ADGRL2: variants seen among roughly 807,000 people sequenced by gnomAD.
ADGRL2 encodes the protein calcium-independent alpha-latrotoxin receptor 2.
Under a neutral mutation model 157.4 loss-of-function variants are expected in ADGRL2, and 44 were observed. That is an observed-to-expected ratio of 0.28 (90% CI 0.22 to 0.36). The LOEUF (loss-of-function observed/expected upper bound fraction) is 0.36, where lower values mean the gene tolerates loss of function less well. ADGRL2 is among the 10% of genes least tolerant of loss of function. ADGRL2 has a pLI of 1.00. For synonymous variants in ADGRL2, 585 were observed against 624.7 expected, an observed-to-expected ratio of 0.94 and a Z score of 0.95; for missense variants, 1,510 against 1,768.9, an observed-to-expected ratio of 0.85 and a Z score of 2.63.
intron 2 of ADGRL2, among the ~76,000 whole-genome samples, chr1:81,554,934 G>A (rs751403133): frequency 8.6e-5 from 13 of 151,950 alleles, no homozygotes; most frequent in Non-Finnish European, 1.5e-4. Context: ...AGAGAGACAG[G>A]TGCAAAGCAC....
At chr1:81,632,799 G>A (rs1001626617) in intron 3 of ADGRL2, among the ~76,000 whole-genome samples, 10 of 151,814 alleles carry the variant, frequency 6.6e-5, no homozygotes, top group African/African-American at 2.2e-4. Context: ...AGGGAGCAAA[G>A]GGGCTATGTT....
At chr1:81,462,436 T>C (rs886977608) in intron 2 of ADGRL2, among the ~76,000 whole-genome samples, 4 of 152,074 alleles carry the variant, frequency 2.6e-5, no homozygotes, top group African/African-American at 9.7e-5. Flanking sequence ...GCTTCATTCT[T>C]GAAGTCAGCG....
At chr1:81,505,238 G>A (rs925828930) in intron 2 of ADGRL2, 77 of 533,834 alleles carry the variant, frequency 1.4e-4, no homozygotes, top group African/African-American at 8.1e-4. Flanking sequence ...ACCATCTCCC[G>A]AGGGCTGACC....
intron 1 of ADGRL2, among the ~76,000 whole-genome samples, chr1:81,367,132 G>A (rs2076080008): frequency 6.6e-6 from 1 of 152,152 alleles, no homozygotes; most frequent in African/African-American, 2.4e-5. Flanking sequence ...TCTTCTTCTT[G>A]TATATCTTGG....
At chr1:81,747,274 T>TATACATGTGC (rs1392142443) in intron 1 of ADGRL2, among the ~76,000 whole-genome samples, 1 of 149,258 alleles carries the variant, frequency 6.7e-6, no homozygotes, top group African/African-American at 2.4e-5. Flanking sequence ...TATGTGTATA[T>TATACATGTGC]ATACATGTGC....
intron 2 of ADGRL2, among the ~76,000 whole-genome samples, chr1:81,468,683 A>G (rs2078110178): frequency 6.6e-6 from 1 of 152,198 alleles, no homozygotes; most frequent in Admixed American, 6.5e-5. Flanking sequence ...CGAAATAATC[A>G]CTGCATCAGA....
chr1:81,801,436 C>T (rs2088105017), intron 1 of ADGRL2, among the ~76,000 whole-genome samples: 1 of 152,158 alleles, frequency 6.6e-6, no homozygotes, highest in Non-Finnish European at 1.5e-5. Flanking sequence ...CCTCTCGCTC[C>T]CTCTCACTCT....
intron 1 of ADGRL2, among the ~76,000 whole-genome samples, chr1:81,816,952 G>GT (rs1441743074): frequency 7.2e-6 from 1 of 139,722 alleles, no homozygotes; most frequent in Non-Finnish European, 1.6e-5. Context: ...TGAATTCTTA[G>GT]TTTTTTGGGG....
chr1:81,382,107 G>GT (rs1320911474), intron 1 of ADGRL2, among the ~76,000 whole-genome samples: 3 of 152,052 alleles, frequency 2.0e-5, no homozygotes, highest in Non-Finnish European at 4.4e-5. Context: ...GTGCTTCGAG[G>GT]TTCCAAAGAA....
chr1:81,862,366 C>A (rs1368410439), intron 2 of ADGRL2, among the ~76,000 whole-genome samples: 3 of 152,262 alleles, frequency 2.0e-5, no homozygotes, highest in Middle Eastern at 3.4e-3. Flanking sequence ...GGGCATAGCT[C>A]TTGCTACCCT....
At chr1:81,910,725 T>C (rs1244374079) in intron 3 of ADGRL2, among the ~76,000 whole-genome samples, 3 of 146,450 alleles carry the variant, frequency 2.0e-5, no homozygotes. Context: ...ATAGAATAAC[T>C]TGTCCTTTTT....
chr1:81,503,033 C>T (rs934569687), intron 2 of ADGRL2: 57 of 1,611,788 alleles, frequency 3.5e-5, no homozygotes, highest in Non-Finnish European at 4.8e-5. Context: ...CAGGCTGGTA[C>T]TCGGACCGCC....
At chr1:81,488,715 G>A (rs1419505053) in intron 2 of ADGRL2, among the ~76,000 whole-genome samples, 1 of 151,288 alleles carries the variant, frequency 6.6e-6, no homozygotes, top group Admixed American at 6.6e-5. Flanking sequence ...TCAAAAAGGA[G>A]GAAAGTAAGT....
chr1:81,402,162 A>G (rs1208355897), intron 1 of ADGRL2, among the ~76,000 whole-genome samples: 1 of 152,162 alleles, frequency 6.6e-6, no homozygotes, highest in Non-Finnish European at 1.5e-5. Context: ...CTAAATGAGA[A>G]GATCACTATC....
At chr1:81,961,691 G>A (rs1280564586) in intron 11 of ADGRL2, among the ~76,000 whole-genome samples, 1 of 151,752 alleles carries the variant, frequency 6.6e-6, no homozygotes, top group African/African-American at 2.4e-5. Flanking sequence ...TGTATTTTTA[G>A]TAGAGAGGGG....
intron 2 of ADGRL2, among the ~76,000 whole-genome samples, chr1:81,461,880 A>G (rs2077936108): frequency 6.8e-6 from 1 of 146,636 alleles, no homozygotes; most frequent in South Asian, 2.3e-4. Flanking sequence ...GAATTCTTCT[A>G]AACAGAAAAG....
At chr1:81,702,801 G>A (rs1570887853) in intron 1 of ADGRL2, among the ~76,000 whole-genome samples, 1 of 152,314 alleles carries the variant, frequency 6.6e-6, no homozygotes, top group East Asian at 1.9e-4. Context: ...TATAAGAAAT[G>A]AATTCTAATG....
At chr1:81,501,893 GC>G in intron 2 of ADGRL2, 1 of 1,610,340 alleles carries the variant, frequency 6.2e-7, no homozygotes. Context: ...GATGAGAGAA[GC>G]CCAGTTCTTG....
chr1:81,832,773 C>T (rs1301573620), intron 1 of ADGRL2, among the ~76,000 whole-genome samples: 1 of 152,122 alleles, frequency 6.6e-6, no homozygotes. Flanking sequence ...TCAAAGAATG[C>T]TGAATGTCTG....
Sources: gnomAD v4.1 joint callset for allele counts (sites outside exome capture counted in the v4.1 genomes callset) on GRCh38, gnomAD v4.1.1 for gene constraint, MANE v1.5 for transcripts, NCBI Gene and HGNC (gene_info 2026-07-23, HGNC 2026-07-21) for gene names.